ESRRG: variants seen among roughly 807,000 people sequenced by gnomAD.
ESRRG encodes the protein estrogen-related receptor gamma.
A neutral mutation model predicts 44.0 loss-of-function variants in ESRRG; 13 were observed. The observed-to-expected ratio is 0.30, with a 90% CI of 0.19 to 0.47. The LOEUF (loss-of-function observed/expected upper bound fraction) is 0.47, where lower values mean the gene tolerates loss of function less well. Ranked by LOEUF, ESRRG falls within the 20% of genes least tolerant of loss-of-function variation. The pLI is 1.00. For synonymous variants in ESRRG, 215 were observed against 214.6 expected, an observed-to-expected ratio of 1.00 and a Z score of -0.02; for missense variants, 395 against 580.6, an observed-to-expected ratio of 0.68 and a Z score of 3.29.
chr1:216,748,889 A>G (rs531052847), intron 2 of ESRRG, among the ~76,000 whole-genome samples: 1 of 152,096 alleles, frequency 6.6e-6, no homozygotes, highest in African/African-American at 2.4e-5. Context: ...ACCCTTATAG[A>G]CAGGCACAGA....
chr1:216,794,459 C>A (rs1243469798), intron 2 of ESRRG, among the ~76,000 whole-genome samples: 2 of 152,166 alleles, frequency 1.3e-5, no homozygotes, highest in Non-Finnish European at 2.9e-5. Context: ...GATCCACCAA[C>A]CCCCATAGTC....
intron 1 of ESRRG, among the ~76,000 whole-genome samples, chr1:217,042,773 T>C (rs750147785): frequency 5.9e-5 from 9 of 152,130 alleles, no homozygotes; most frequent in Non-Finnish European, 1.2e-4. Context: ...AAAGGGTCTA[T>C]TTAAATAAAG....
chr1:216,706,469 T>C (rs1428389873), intron 1 of ESRRG, among the ~76,000 whole-genome samples: 2 of 152,196 alleles, frequency 1.3e-5, no homozygotes, highest in Non-Finnish European at 2.9e-5. Context: ...GCAATAGTTC[T>C]TTGTCTGATA....
chr1:216,640,687 T>C (rs2066235968), intron 3 of ESRRG, among the ~76,000 whole-genome samples: 1 of 152,140 alleles, frequency 6.6e-6, no homozygotes, highest in African/African-American at 2.4e-5. Context: ...CATTTAGGAA[T>C]GGGGCCCAAA....
At chr1:216,983,420 C>T (rs374644736) in intron 1 of ESRRG, among the ~76,000 whole-genome samples, 29 of 151,590 alleles carry the variant, frequency 1.9e-4, no homozygotes, top group South Asian at 1.0e-3. Context: ...TTTGCAAAGA[C>T]GGGGTTTTGC....
chr1:217,103,516 G>C (rs1436558936), intron 1 of ESRRG, among the ~76,000 whole-genome samples: 1 of 151,674 alleles, frequency 6.6e-6, no homozygotes, highest in East Asian at 2.0e-4. Flanking sequence ...GGTCAGCCAA[G>C]CATGGTGGCA....
At chr1:216,622,731 T>G (rs1261305214) in intron 3 of ESRRG, among the ~76,000 whole-genome samples, 1 of 152,136 alleles carries the variant, frequency 6.6e-6, no homozygotes, top group South Asian at 2.1e-4. Context: ...AAGCTCAGAA[T>G]TTTCCTGAAG....
chr1:217,095,199 A>G (rs2092404605), intron 1 of ESRRG, among the ~76,000 whole-genome samples: 1 of 152,244 alleles, frequency 6.6e-6, no homozygotes, highest in African/African-American at 2.4e-5. Context: ...GCCAAATGTC[A>G]TGATGGCCAC....
chr1:217,038,097 C>T (rs1290593129), intron 1 of ESRRG, among the ~76,000 whole-genome samples: 4 of 152,192 alleles, frequency 2.6e-5, no homozygotes, highest in Non-Finnish European at 4.4e-5. Flanking sequence ...AAGGTACAAG[C>T]TGTTGGTGTA....
intron 1 of ESRRG, among the ~76,000 whole-genome samples, chr1:216,980,347 TC>T (rs1424495696): frequency 1.3e-5 from 2 of 152,154 alleles, no homozygotes; most frequent in Non-Finnish European, 2.9e-5. Context: ...CAGCTATATG[TC>T]CCAGAAAAAC....
chr1:216,774,208 C>G (rs951854756), intron 2 of ESRRG, among the ~76,000 whole-genome samples: 126 of 152,188 alleles, frequency 8.3e-4, no homozygotes, highest in African/African-American at 2.8e-3. Context: ...GGTAATAGAA[C>G]TGGTATTTTG....
chr1:216,825,990 C>A (rs191947764), intron 2 of ESRRG, among the ~76,000 whole-genome samples: 2 of 152,248 alleles, frequency 1.3e-5, no homozygotes, highest in East Asian at 3.9e-4. Context: ...GACTTTGTAG[C>A]ATCAAGTTGG....
At chr1:216,759,600 C>G (rs17681327) in intron 2 of ESRRG, among the ~76,000 whole-genome samples, 1,719 of 152,200 alleles carry the variant, frequency 0.011, 13 homozygotes, top group Non-Finnish European at 0.019. Context: ...ATCTGAAGCT[C>G]CTTACATAGT....
At chr1:216,718,279 T>C (rs895705358) in intron 1 of ESRRG, among the ~76,000 whole-genome samples, 1 of 151,922 alleles carries the variant, frequency 6.6e-6, no homozygotes, top group Non-Finnish European at 1.5e-5. Context: ...TTTAGCAGCA[T>C]ACCTATAATC....
At chr1:216,596,370 T>C (rs1454309225) in intron 3 of ESRRG, among the ~76,000 whole-genome samples, 1 of 152,174 alleles carries the variant, frequency 6.6e-6, no homozygotes, top group Non-Finnish European at 1.5e-5. Flanking sequence ...GCTTCAGAGA[T>C]GGAGGGGGCA....
At chr1:216,934,867 T>C (rs954313276) in intron 2 of ESRRG, among the ~76,000 whole-genome samples, 3 of 152,190 alleles carry the variant, frequency 2.0e-5, no homozygotes, top group Non-Finnish European at 4.4e-5. Flanking sequence ...TCACCTCCAA[T>C]GTCCACTTCA....
chr1:216,952,687 T>C (rs923919378), intron 1 of ESRRG, among the ~76,000 whole-genome samples: 1 of 152,134 alleles, frequency 6.6e-6, no homozygotes, highest in African/African-American at 2.4e-5. Context: ...TGGTTAAAAA[T>C]ACATGCATAA....
chr1:216,615,341 T>C (rs1034862183), intron 3 of ESRRG, among the ~76,000 whole-genome samples: 1 of 152,248 alleles, frequency 6.6e-6, no homozygotes, highest in African/African-American at 2.4e-5. Context: ...AATCGGGTTA[T>C]ACTTTCAAGT....
chr1:216,733,987 TAAA>T, intron 2 of ESRRG, among the ~76,000 whole-genome samples: 1 of 107,238 alleles, frequency 9.3e-6, no homozygotes, highest in Admixed American at 1.1e-4. Flanking sequence ...CAAGACTCTG[TAAA>T]AAAAAAAAAA....
Sources: gnomAD v4.1 joint callset for allele counts (sites outside exome capture counted in the v4.1 genomes callset) on GRCh38, gnomAD v4.1.1 for gene constraint, MANE v1.5 for transcripts, NCBI Gene and HGNC (gene_info 2026-07-23, HGNC 2026-07-21) for gene names.